AMZ1: variants seen among roughly 807,000 people sequenced by gnomAD.
AMZ1 encodes the protein archaemetzincin-1.
Under a neutral mutation model 29.9 loss-of-function variants are expected in AMZ1, and 39 were observed. That is an observed-to-expected ratio of 1.30 (90% CI 1.01 to 1.70). AMZ1 has a LOEUF of 1.70. Among genes scored for constraint, AMZ1 ranks in the 40% most tolerant of loss-of-function variants. AMZ1 has a pLI of 0.00. For synonymous variants in AMZ1, 458 were observed against 304.0 expected (o/e 1.51, Z -5.27); for missense variants, 1,041 against 680.6 (o/e 1.53, Z -5.89).
intron 4 of AMZ1, among the ~76,000 whole-genome samples, chr7:2,750,259 G>C (rs538828700): frequency 5.9e-5 from 9 of 152,302 alleles, no homozygotes; most frequent in Non-Finnish European, 1.2e-4. Context: ...AGAGAGCTGA[G>C]ATCACAGGAC....
chr7:2,738,747 T>C (rs976119958), intron 4 of AMZ1, among the ~76,000 whole-genome samples: 4 of 152,108 alleles, frequency 2.6e-5, no homozygotes, highest in Admixed American at 2.0e-4. Flanking sequence ...CCCTCAAAAT[T>C]GAACCCAAAT....
At chr7:2,743,386 G>A (rs1383469326) in intron 4 of AMZ1, among the ~76,000 whole-genome samples, 2 of 152,110 alleles carry the variant, frequency 1.3e-5, no homozygotes, top group African/African-American at 2.4e-5. Flanking sequence ...TTCAAAATAT[G>A]GAAGATATTC....
chr7:2,719,969 C>T (rs759149254), downstream of AMZ1, among the ~76,000 whole-genome samples: 1 of 152,204 alleles, frequency 6.6e-6, no homozygotes, highest in South Asian at 2.1e-4. Flanking sequence ...GCGTCAGCCA[C>T]CGTGCCCAGC....
intron 1 of AMZ1, among the ~76,000 whole-genome samples, chr7:2,697,487 G>C (rs923290404): frequency 5.3e-5 from 8 of 151,920 alleles, no homozygotes; most frequent in African/African-American, 1.9e-4. Flanking sequence ...GCAGTGGCAC[G>C]ATCATGGCTC....
At chr7:2,720,678 G>C (rs1056428308), downstream of AMZ1, among the ~76,000 whole-genome samples, 1 of 151,780 alleles carries the variant, frequency 6.6e-6, no homozygotes, top group African/African-American at 2.4e-5. Flanking sequence ...TGGGATTATA[G>C]GTGTGAGCCA....
In AMZ1 at chr7:2,708,791, C is replaced by T. The variant is rs1788539081; in HGVS notation, c.601+75C>T. ...CTGTGGCCTCCGTGGCTGCAGGGCA[C>T]CCTCTTTGCTTTTGCTTCAAGCACC... On this transcript the variant is annotated intron_variant, in intron 4 of 6. Transcript: ENST00000683327. 4 of 1,599,970 alleles carry T rather than the reference C, an allele frequency of 2.5e-6. No individual in the cohort carries two copies. The South Asian group carries it at 4.4e-5, about 18-fold the overall frequency.
intron 4 of AMZ1, among the ~76,000 whole-genome samples, chr7:2,732,508 T>G (rs942492874): frequency 1.3e-5 from 2 of 152,186 alleles, no homozygotes; most frequent in African/African-American, 4.8e-5. Context: ...ATCGTGCCAC[T>G]GTACTCCAGC....
rs372192326 is a variant in AMZ1, at chr7:2,712,883, G to A, written c.*5G>A. ...TGGGATGGGGAAGAGAGTTAGTACA[G>A]CAGGGGCTGCCCTACGTCTCCTTCC... On this transcript the variant is annotated 3_prime_UTR_variant, in exon 7 of 7. Transcript: ENST00000683327. The A allele has an allele frequency of 8.6e-6, 13 of 1,513,140 alleles. No homozygotes were observed. In the African/African-American group the frequency reaches 1.1e-4, roughly 13 times the overall value. 93.7% of individuals were successfully genotyped at this position (1,513,140 alleles called of 1,614,324 possible).
In AMZ1 at chr7:2,716,850, C is replaced by T. The variant is rs112527042; in HGVS notation, c.*3972C>T. On this transcript the variant is annotated 3_prime_UTR_variant, in exon 7 of 7. Coordinates refer to ENST00000683327, the MANE Select transcript of AMZ1 (RefSeq NM_001384743.1). ...TGTAAGGCAGATGGCTGCATCCCCACCATATGGCTGTGGCTGTCGAGATGG... is the reference window on the plus strand; with the variant it reads ...TGTAAGGCAGATGGCTGCATCCCCATCATATGGCTGTGGCTGTCGAGATGG... Among the ~76,000 whole-genome samples, 7 of 152,354 alleles carry T rather than the reference C, an allele frequency of 4.6e-5. No homozygotes were observed. The highest frequency in any genetic ancestry group is 1.7e-4 in the African/African-American group (7 of 41,590).
Position 2,713,077 on chromosome 7 carries a change from A to C in AMZ1, c.*199A>C. 5 of 498,796 alleles carry C rather than the reference A, an allele frequency of 1.0e-5. No individual in the cohort carries two copies. Among genetic ancestry groups the C allele is most frequent in the East Asian group, 7.0e-5 (2 of 28,506 alleles). 30.9% of individuals were successfully genotyped at this position (498,796 alleles called of 1,614,324 possible). Reference sequence around the variant, plus strand: ...ACATGGTGAGACTCTGCCTCTACAAAAGAAAAATTAAAAAATTAGCTGGAT... The same window carrying C: ...ACATGGTGAGACTCTGCCTCTACAACAGAAAAATTAAAAAATTAGCTGGAT... On this transcript the variant is annotated 3_prime_UTR_variant, in exon 7 of 7. Transcript: ENST00000683327.
chr7:2,709,050 T>A (rs752394822), intron 4 of AMZ1, 25 bp from the exon 5 acceptor site: 2 of 1,543,726 alleles, frequency 1.3e-6, no homozygotes, highest in Admixed American at 4.1e-5. Context: ...CCCCTGAGAG[T>A]GCCCTTCTCT....
chr7:2,692,764 C>A (rs1039913797), intron 1 of AMZ1, among the ~76,000 whole-genome samples: 2 of 152,164 alleles, frequency 1.3e-5, no homozygotes, highest in Non-Finnish European at 2.9e-5. Flanking sequence ...AGCCCAGCAG[C>A]GGTTCCCCAC....
chr7:2,763,191 A>ACACAC (rs1791652924), upstream of AMZ1: 5 of 222,644 alleles, frequency 2.2e-5, no homozygotes, highest in East Asian at 1.5e-4. Context: ...AAGACACCCC[A>ACACAC]ACACACACAC....
chr7:2,744,549 A>T (rs143260602), intron 4 of AMZ1, among the ~76,000 whole-genome samples: 4,418 of 152,282 alleles, frequency 0.029, 149 homozygotes, highest in African/African-American at 0.082. Context: ...CAAAGGTAGA[A>T]AAGACCACAA....
chr7:2,737,261 A>T (rs928932198), intron 4 of AMZ1, among the ~76,000 whole-genome samples: 32 of 115,584 alleles, frequency 2.8e-4, no homozygotes, highest in African/African-American at 1.1e-3. Flanking sequence ...GAGCTATCTC[A>T]CAGTTTTGTT....
At chr7:2,758,240 T>C (rs17132648) in intron 4 of AMZ1, among the ~76,000 whole-genome samples, 3,632 of 152,258 alleles carry the variant, frequency 0.024, 99 homozygotes, top group Middle Eastern at 0.075. Context: ...AAACAAGGCT[T>C]TAGGGCCGGG....
intron 6 of AMZ1, among the ~76,000 whole-genome samples, chr7:2,711,362 CTTG>C (rs1320714300): frequency 2.0e-5 from 3 of 152,212 alleles, no homozygotes; most frequent in Non-Finnish European, 2.9e-5. Context: ...GAAAGCCTGA[CTTG>C]TTGTGGTCTC....
chr7:2,723,250 AC>A (rs1789494786), downstream of AMZ1, among the ~76,000 whole-genome samples: 1 of 152,188 alleles, frequency 6.6e-6, no homozygotes, highest in African/African-American at 2.4e-5. Flanking sequence ...AGCACCTGTC[AC>A]CCACAGCTAA....
chr7:2,681,508 G>C (rs1208391763), intron 1 of AMZ1, among the ~76,000 whole-genome samples: 1 of 152,068 alleles, frequency 6.6e-6, no homozygotes, highest in East Asian at 1.9e-4. Context: ...AGATCCATCC[G>C]CCTTGCCCTC....
Sources: gnomAD v4.1 joint callset for allele counts (sites outside exome capture counted in the v4.1 genomes callset) on GRCh38, gnomAD v4.1.1 for gene constraint, MANE v1.5 for transcripts, NCBI Gene and HGNC (gene_info 2026-07-23, HGNC 2026-07-21) for gene names.